Variants in GPLD1 observed in about 807,000 individuals in gnomAD.
GPLD1 encodes the protein phosphatidylinositol-glycan-specific phospholipase D.
A neutral mutation model predicts 112.6 loss-of-function variants in GPLD1; 84 were observed. The observed-to-expected ratio is 0.75, with a 90% CI of 0.63 to 0.89. GPLD1 has a LOEUF of 0.89. Ranked by LOEUF, GPLD1 falls within the 40% of genes least tolerant of loss-of-function variation. The pLI, the probability that GPLD1 is intolerant of heterozygous loss-of-function variation, is 0.00. For missense variants in GPLD1, 1,044 were observed against 1,051.5 expected (o/e 0.99, Z 0.10); for synonymous variants, 386 against 403.8 (o/e 0.96, Z 0.53).
At chr6:24,450,452 G>C (rs1763045012) in intron 14 of GPLD1, among the ~76,000 whole-genome samples, 1 of 152,084 alleles carries the variant, frequency 6.6e-6, no homozygotes, top group Admixed American at 6.5e-5. Flanking sequence ...AGTAAGCCAA[G>C]ATCGTGCCAC....
rs1327635163 is a variant in GPLD1, at chr6:24,479,942, C to G, written c.171G>C (p.Gln57His). The G allele has an allele frequency of 6.2e-7, 1 of 1,608,194 alleles. No homozygotes were observed. The highest frequency in any genetic ancestry group is 8.5e-7 in the Non-Finnish European group (1 of 1,174,714). ...VNYRELLLEHQDAYQAGIVFP... is the reference protein window; with the variant it reads ...VNYRELLLEHHDAYQAGIVFP... ...ACACGATTCCAGCCTGATACGCATC[C>G]TGGTGTTCTAGTAACAGCTGCAGAG... The change falls in exon 3 of 25, where the codon CAG (glutamine) becomes CAC (histidine). Residue 57 changes from glutamine (Q) to histidine (H), a missense_variant. Coordinates refer to ENST00000230036, the MANE Select transcript of GPLD1 (RefSeq NM_001503.4).
intron 1 of GPLD1, 31 bp from the exon 2 acceptor site, chr6:24,486,161 G>A: frequency 7.8e-7 from 1 of 1,283,946 alleles, no homozygotes. Context: ...AATCAATTAA[G>A]TTCAACTATT....
chr6:24,473,201 T>C (rs1763887435), intron 6 of GPLD1: 1 of 152,598 alleles, frequency 6.6e-6, no homozygotes, highest in Admixed American at 6.6e-5. Flanking sequence ...TTTAAGGAAA[T>C]ATCGACCATA....
intron 24 of GPLD1, among the ~76,000 whole-genome samples, chr6:24,432,434 C>A (rs114982121): frequency 0.011 from 1,729 of 151,954 alleles, 16 homozygotes; most frequent in South Asian, 0.046. Flanking sequence ...CCCATGTCTA[C>A]AAAAAGTTTT....
At chr6:24,484,935 G>T (rs908623049) in intron 2 of GPLD1, among the ~76,000 whole-genome samples, 4 of 152,168 alleles carry the variant, frequency 2.6e-5, no homozygotes, top group Non-Finnish European at 4.4e-5. Context: ...AGAAGGGAAT[G>T]CTAACCACTT....
At position 24,427,854 on chromosome 6, in the gene GPLD1, A is replaced by AAG. The variant is rs1554127930; in HGVS notation, c.*1177_*1178insCT. ...GAGCAAGACTCCGTCTCAAAAAAAA[A>AAG]AAAAAAAAAAAAGGACTATCATCCT... On this transcript the variant is annotated 3_prime_UTR_variant, in exon 25 of 25. Coordinates refer to ENST00000230036, the MANE Select transcript of GPLD1 (RefSeq NM_001503.4). 5.9e-5 allele frequency among the ~76,000 whole-genome samples: 7 copies of AAG among 118,014 alleles called. No individual in the cohort carries two copies. Among genetic ancestry groups the AAG allele is most frequent in the Non-Finnish European group, 1.0e-4 (5 of 48,684 alleles). 77.4% of individuals were successfully genotyped at this position (118,014 alleles called of 152,430 possible).
intron 3 of GPLD1, among the ~76,000 whole-genome samples, chr6:24,477,149 T>C (rs1764048640): frequency 6.6e-6 from 1 of 151,356 alleles, no homozygotes; most frequent in South Asian, 2.1e-4. Context: ...GAATTAAATA[T>C]GGCAGTAGCT....
chr6:24,434,157 G>A (rs930764971), intron 22 of GPLD1, among the ~76,000 whole-genome samples: 2 of 152,096 alleles, frequency 1.3e-5, no homozygotes, highest in African/African-American at 4.8e-5. Context: ...CAGCACTTTG[G>A]GAGGCTGAGG....
In GPLD1 at chr6:24,428,675, T is replaced by C. The variant is rs793680; in HGVS notation, c.*357A>G. 0.63 allele frequency: 108,380 copies of C among 172,648 alleles called. 34,751 individuals carry two copies. Among genetic ancestry groups the C allele is most frequent in the Middle Eastern group, 0.68 (268 of 394 alleles). 10.7% of individuals were successfully genotyped at this position (172,648 alleles called of 1,614,324 possible). On this transcript the variant is annotated 3_prime_UTR_variant, in exon 25 of 25. Coordinates refer to ENST00000230036, the MANE Select transcript of GPLD1 (RefSeq NM_001503.4). ...AACCACAGAGGGACCTTTCCAGCCA[T>C]TGGAAAGACATTCAAGAGGAAGAGG...
chr6:24,447,612 A>G (rs1156269735), intron 17 of GPLD1, among the ~76,000 whole-genome samples: 1 of 152,140 alleles, frequency 6.6e-6, no homozygotes, highest in African/African-American at 2.4e-5. Flanking sequence ...AAGCCTCCTC[A>G]GTGTTTCTGT....
In GPLD1 at chr6:24,456,527, GAAGT is replaced by G. The variant is rs1763274432; in HGVS notation, c.1115_1118del (p.Tyr372SerfsTer13). On this transcript the variant is annotated frameshift_variant, in exon 13 of 25. Transcript: ENST00000230036. LOFTEE classifies it high-confidence loss of function. ...CAAGCCTCGCATAAGGAAATGACAA[GAAGT>G]AAGATGCTAAGGGGCTGGAGACGTG... is the stretch of plus-strand genomic sequence containing the variant. 2.5e-6 allele frequency: 4 copies of G among 1,610,416 alleles called. No homozygotes were observed. Among genetic ancestry groups the G allele is most frequent in the Non-Finnish European group, 3.4e-6 (4 of 1,177,222 alleles).
Position 24,426,612 on chromosome 6 carries a change from A to G in GPLD1, c.*2420T>C, listed in dbSNP as rs1372022009. 1.3e-5 allele frequency among the ~76,000 whole-genome samples: 2 copies of G among 152,198 alleles called. No homozygotes were observed. The highest frequency in any genetic ancestry group is 4.8e-5 in the African/African-American group (2 of 41,436). On this transcript the variant is annotated 3_prime_UTR_variant, in exon 25 of 25. Coordinates refer to ENST00000230036, the MANE Select transcript of GPLD1 (RefSeq NM_001503.4). ...AAACAGAGGCCTTATCATTTAGTGA[A>G]GCATAAAAACTGACACTATATAAAT...
intron 3 of GPLD1, among the ~76,000 whole-genome samples, chr6:24,477,145 A>T (rs1300668911): frequency 6.6e-6 from 1 of 151,408 alleles, no homozygotes; most frequent in Non-Finnish European, 1.5e-5. Context: ...TCCAGAATTA[A>T]ATATGGCAGT....
In GPLD1 at chr6:24,478,539, C is replaced by T. The variant is rs9467192; in HGVS notation, c.232+1342G>A. ...AGACCCACTCCCCATCCTTCTCTAC[C>T]TTGTAGGGTGACTCTGAGGTCACCT... On this transcript the variant is annotated intron_variant, in intron 3 of 24. Transcript: ENST00000230036. 9.6e-3 allele frequency among the ~76,000 whole-genome samples: 1,464 copies of T among 152,284 alleles called. 18 individuals carry two copies. The highest frequency in any genetic ancestry group is 0.033 in the African/African-American group (1,380 of 41,556).
intron 10 of GPLD1, among the ~76,000 whole-genome samples, chr6:24,466,462 C>T (rs1262626327): frequency 6.6e-6 from 1 of 152,252 alleles, no homozygotes; most frequent in African/African-American, 2.4e-5. Flanking sequence ...ATTTCTAAAA[C>T]ACGAGCAGCA....
rs369877597 is a variant in GPLD1, at chr6:24,494,957, G to A, written n.239+10C>T. 2.2e-3 allele frequency: 2,772 copies of A among 1,287,154 alleles called. 6 individuals are homozygous for A. Among genetic ancestry groups the A allele is most frequent in the Non-Finnish European group, 2.6e-3 (2,613 of 1,018,630 alleles). The allele number at this position is 1,287,154 out of a possible 1,614,324, so 79.7% of individuals were successfully genotyped here. A position where few individuals can be genotyped will look rare whatever the true frequency, so the allele number is the denominator to read the frequency against. ...GACCCCTGCGTTCCCGTGCGCGCGC[G>A]CCCGCTTGCCTGTTTCCTGTCGCCG... is the stretch of plus-strand genomic sequence containing the variant. On this transcript the variant is annotated intron_variant and non_coding_transcript_variant, in intron 1 of 10. Transcript: ENST00000474784.
chr6:24,457,621 G>A (rs1032092852), intron 12 of GPLD1, among the ~76,000 whole-genome samples: 7 of 152,000 alleles, frequency 4.6e-5, no homozygotes, highest in African/African-American at 7.2e-5. Flanking sequence ...GGTGGCTCAC[G>A]CCTATAATCC....
intron 22 of GPLD1, among the ~76,000 whole-genome samples, chr6:24,435,575 G>A (rs1329295405): frequency 6.6e-6 from 1 of 151,730 alleles, no homozygotes; most frequent in Non-Finnish European, 1.5e-5. Flanking sequence ...TTTTAAAATA[G>A]GTGGGGTACG....
At chr6:24,471,452 T>TA (rs1763819334) in intron 7 of GPLD1, among the ~76,000 whole-genome samples, 1 of 151,688 alleles carries the variant, frequency 6.6e-6, no homozygotes. Context: ...GCCACAGAGT[T>TA]AGACTGGCTC....
Sources: allele counts gnomAD v4.1 joint callset (sites outside exome capture counted in the v4.1 genomes callset), GRCh38; gene constraint gnomAD v4.1.1; transcripts MANE v1.5; gene names NCBI Gene and HGNC (gene_info 2026-07-23, HGNC 2026-07-21).